Variants in NCOR1 observed in about 807,000 individuals in gnomAD.
The protein encoded by NCOR1 is nuclear receptor corepressor 1, also known as protein phosphatase 1, regulatory subunit 109.
In NCOR1, 63 loss-of-function variants were observed where a neutral mutation model predicts 288.1. The ratio of observed to expected loss-of-function variants is 0.22; its 90% CI spans 0.18 to 0.27. The LOEUF is 0.27. NCOR1 is among the 10% of genes least tolerant of loss of function. NCOR1 has a pLI of 1.00. For missense variants in NCOR1, 2,397 were observed against 3,019.2 expected (o/e 0.79, Z 4.83); for synonymous variants, 1,007 against 1,065.9 (o/e 0.94, Z 1.08).
At chr17:16,140,212 C>A (rs2153275319) in intron 11 of NCOR1, among the ~76,000 whole-genome samples, 1 of 150,904 alleles carries the variant, frequency 6.6e-6, no homozygotes, top group Non-Finnish European at 1.5e-5. Flanking sequence ...AGTCAAAGAG[C>A]AAATAAATTT....
At position 16,215,442 on chromosome 17, in the gene NCOR1, GGGA is replaced by G. The variant is rs1449231315; in HGVS notation, c.-154_-152del. On this transcript the variant is annotated 5_prime_UTR_variant, in exon 1 of 46. Transcript: ENST00000268712. ...CGGCCACGGCGCGCGGCCCTACACC[GGGA>G]CCTCGTTCGGCGCGGCGAGTCGGAC... 2.5e-6 allele frequency: 1 copy of G among 397,382 alleles called. No homozygotes were observed. Among genetic ancestry groups the G allele is most frequent in the Non-Finnish European group, 4.4e-6 (1 of 225,218 alleles). The allele number at this position is 397,382 out of a possible 1,614,324, so 24.6% of individuals were successfully genotyped here.
intron 14 of NCOR1, among the ~76,000 whole-genome samples, chr17:16,127,305 A>ATATACATGTATG (rs2074419032): frequency 1.1e-5 from 1 of 91,764 alleles, no homozygotes; most frequent in Non-Finnish European, 2.4e-5. Flanking sequence ...ATGTATGTAT[A>ATATACATGTATG]TATACATGTA....
intron 1 of NCOR1, among the ~76,000 whole-genome samples, chr17:16,207,836 AC>A (rs1690416600): frequency 6.6e-6 from 1 of 151,976 alleles, no homozygotes; most frequent in African/African-American, 2.4e-5. Flanking sequence ...AAGAATAAAA[AC>A]AGCCAAACAG....
chr17:16,166,033 C>A (rs1013805007), intron 4 of NCOR1, among the ~76,000 whole-genome samples: 1 of 152,140 alleles, frequency 6.6e-6, no homozygotes, highest in Non-Finnish European at 1.5e-5. Flanking sequence ...GTCAAGAATG[C>A]ATACAAGAGA....
In NCOR1 at chr17:16,107,128, A is replaced by G. The variant is rs535985147; in HGVS notation, c.2182+1658T>C. On this transcript the variant is annotated intron_variant, in intron 19 of 45. Transcript: ENST00000268712. Reference sequence around the variant, plus strand: ...GCCAGGATGGTCTCAATCTCCTGACATCGTGTTCCGCCCTCCTGGGCCTCC... The same window carrying G: ...GCCAGGATGGTCTCAATCTCCTGACGTCGTGTTCCGCCCTCCTGGGCCTCC... Among the ~76,000 whole-genome samples, 4 of 151,674 alleles carry G rather than the reference A, an allele frequency of 2.6e-5. No homozygotes were observed. The South Asian group carries it at 8.3e-4, about 32-fold the overall frequency.
intron 2 of NCOR1, among the ~76,000 whole-genome samples, chr17:16,190,563 G>C (rs1286595707): frequency 1.3e-5 from 2 of 150,646 alleles, no homozygotes; most frequent in Admixed American, 6.6e-5. Context: ...AGATGATCTC[G>C]ATCTCCTGAC....
rs377428106 is a variant in NCOR1 at position 16,070,307 on chromosome 17, G to A, written c.4371C>T (p.Ser1457=). 1.7e-5 allele frequency: 27 copies of A among 1,614,074 alleles called. No individual in the cohort carries two copies. The South Asian group carries it at 2.3e-4, about 14-fold the overall frequency. The change falls in exon 31 of 46, where the codon TCC becomes TCT. Residue 1457 remains serine, a synonymous_variant. Transcript: ENST00000268712. ...CTTCATGCAGTGTGGACCTAAGAAC[G>A]GAGGGGCCAGAGCTTACCACTGACG... The part of the protein sequence containing the change: ...RHTSVVSSGP[S]VLRSTLHEAP...
At chr17:16,057,864 T>G in intron 39 of NCOR1, 43 bp downstream of exon 39, 1 of 1,543,132 alleles carries the variant, frequency 6.5e-7, no homozygotes, top group East Asian at 2.3e-5. Context: ...TTCCCCATGA[T>G]CAAAAAAGAA....
In NCOR1 at chr17:16,034,807, G is replaced by C; in HGVS notation, c.7093C>G (p.Gln2365Glu). Residue 2365 changes from glutamine to glutamate, a missense_variant, in exon 45 of 46, where the codon CAG becomes GAG. Gln to Glu is a conservative substitution (Grantham distance 29, BLOSUM62 2). Transcript: ENST00000268712. ...SVHSEGDYHR[Q>E]TPGWAWEDRP... ...TCTTCCCAGGCCCACCCTGGCGTCT[G>C]CCTATGGTAATCCCCTTCTGAATGT... is the stretch of plus-strand genomic sequence containing the variant. The C allele has an allele frequency of 6.2e-7, 1 of 1,614,120 alleles. No homozygotes were observed. The highest frequency in any genetic ancestry group is 8.5e-7 in the Non-Finnish European group (1 of 1,180,004).
chr17:16,143,838 C>T (rs2077478135), intron 10 of NCOR1, 142 bp from the exon 11 acceptor site: 2 of 575,996 alleles, frequency 3.5e-6, no homozygotes, highest in African/African-American at 3.8e-5. Flanking sequence ...TGAGTATATA[C>T]TTTTAAGTAA....
At chr17:16,209,794 A>C (rs2153614966) in intron 1 of NCOR1, among the ~76,000 whole-genome samples, 1 of 151,792 alleles carries the variant, frequency 6.6e-6, no homozygotes, top group South Asian at 2.1e-4. Context: ...TCTACTAAAA[A>C]CACAAAAATT....
chr17:16,062,419 C>CTTTCCAGAAATATGTT, intron 35 of NCOR1, 149 bp from the exon 36 acceptor site: 3 of 833,418 alleles, frequency 3.6e-6, no homozygotes, highest in Non-Finnish European at 5.1e-6. Flanking sequence ...ACTTTCTGGC[C>CTTTCCAGAAATATGTT]TTTCCAGAAA....
intron 23 of NCOR1, among the ~76,000 whole-genome samples, chr17:16,083,703 G>A (rs185796848): frequency 6.6e-6 from 1 of 152,004 alleles, no homozygotes; most frequent in East Asian, 1.9e-4. Flanking sequence ...AGGCAGTGCT[G>A]AGCAGGTGAA....
At chr17:16,138,903 G>T in intron 12 of NCOR1, 105 bp downstream of exon 12, 1 of 831,716 alleles carries the variant, frequency 1.2e-6, no homozygotes, top group Non-Finnish European at 1.8e-6. Flanking sequence ...ACACCAAAAT[G>T]GGACCAAGTT....
chr17:16,075,392 T>C, intron 27 of NCOR1, 142 bp downstream of exon 27: 1 of 870,160 alleles, frequency 1.1e-6, no homozygotes, highest in Non-Finnish European at 1.8e-6. Context: ...GAGACAAGTA[T>C]TACTAACCCC....
intron 3 of NCOR1, among the ~76,000 whole-genome samples, chr17:16,173,186 G>A (rs781097208): frequency 6.6e-6 from 1 of 152,106 alleles, no homozygotes; most frequent in African/African-American, 2.4e-5. Flanking sequence ...CTCCCAAAGT[G>A]CTGAGATTAC....
chr17:16,205,950 AAAAG>A (rs949564463), intron 1 of NCOR1, among the ~76,000 whole-genome samples: 14 of 152,088 alleles, frequency 9.2e-5, no homozygotes, highest in Non-Finnish European at 1.5e-4. Flanking sequence ...AAAAAAAAAA[AAAAG>A]AAAGAAAGAA....
chr17:16,058,681 T>C, intron 37 of NCOR1, 82 bp from the exon 38 acceptor site: 1 of 1,338,476 alleles, frequency 7.5e-7, no homozygotes, highest in Non-Finnish European at 1.0e-6. Context: ...TGTAGCATTT[T>C]TTCAATTCTG....
At position 16,070,392 on chromosome 17, in the gene NCOR1, A is replaced by T. The variant is rs2152725309; in HGVS notation, c.4286T>A (p.Val1429Glu). The T allele has an allele frequency of 6.2e-7, 1 of 1,614,088 alleles. No homozygotes were observed. Among genetic ancestry groups the T allele is most frequent in the Non-Finnish European group, 8.5e-7 (1 of 1,180,016 alleles). The change falls in exon 31 of 46, where the codon GTG becomes GAG. Residue 1429 changes from valine to glutamate, a missense_variant. By Grantham distance (121) the Val-to-Glu change is moderately radical. Coordinates refer to ENST00000268712, the MANE Select transcript of NCOR1 (RefSeq NM_006311.4). The part of the protein sequence containing the change: ...PLEIVPENIK[V>E]VERGKYEDVK... ...ATCCTCATATTTTCCCCGTTCTACCACTTTTATGTTCTCTGGCACAATTTC... is the reference window on the plus strand; with the variant it reads ...ATCCTCATATTTTCCCCGTTCTACCTCTTTTATGTTCTCTGGCACAATTTC...
Sources: allele counts gnomAD v4.1 joint callset (sites outside exome capture counted in the v4.1 genomes callset), GRCh38; gene constraint gnomAD v4.1.1; transcripts MANE v1.5; gene names NCBI Gene and HGNC (gene_info 2026-07-23, HGNC 2026-07-21).